Variants in CACNA1A observed in about 807,000 individuals in gnomAD.
The protein encoded by CACNA1A is voltage-dependent P/Q-type calcium channel subunit alpha-1A.
A neutral mutation model predicts 262.4 loss-of-function variants in CACNA1A; 57 were observed. The observed-to-expected ratio is 0.22, with a 90% CI of 0.18 to 0.27. The LOEUF is 0.27. CACNA1A is among the 10% of genes least tolerant of loss of function. CACNA1A has a pLI of 1.00. For missense variants in CACNA1A, 2,526 were observed against 3,562.8 expected (o/e 0.71, Z 7.41); for synonymous variants, 1,431 against 1,419.3 (o/e 1.01, Z -0.18).
chr19:13,227,585 G>A, intron 36 of CACNA1A, 58 bp from the exon 37 acceptor site: 1 of 950,348 alleles, frequency 1.1e-6, no homozygotes, highest in South Asian at 1.9e-5. Context: ...AAACGGGAAT[G>A]GGAACAGAGA....
chr19:13,207,546 T>C lies in CACNA1A; in HGVS notation c.7288A>G (p.Met2430Val). 6.9e-7 allele frequency: 1 copy of C among 1,455,874 alleles called. No homozygotes were observed. The highest frequency in any genetic ancestry group is 1.3e-5 in the South Asian group (1 of 77,394). 90.2% of individuals were successfully genotyped at this position (1,455,874 alleles called of 1,614,324 possible). ...GPGSGGGEEA[M>V]AGAYDAPPPV... ...GGTGGCGCGTCGTAGGCCCCGGCCA[T>C]GGCCTCCTCGCCGCCCCCGCTGCCC... The change falls in exon 47 of 47, where the codon ATG becomes GTG. Residue 2430 changes from methionine (M) to valine (V), a missense_variant. Transcript: ENST00000360228. The surrounding 1 kb of genome is among the most constrained non-coding windows in gnomAD (Gnocchi z 5.7).
intron 1 of CACNA1A, among the ~76,000 whole-genome samples, chr19:13,494,449 T>C (rs1981259616): frequency 6.6e-6 from 1 of 151,822 alleles, no homozygotes; most frequent in African/African-American, 2.4e-5. Context: ...AGAAGGAATG[T>C]CATGTAATGC....
At chr19:13,235,808 T>C in intron 31 of CACNA1A, 78 bp from the exon 32 acceptor site, 2 of 960,584 alleles carry the variant, frequency 2.1e-6, no homozygotes, top group South Asian at 1.4e-5. Flanking sequence ...CAGAGGCCCC[T>C]ACATGAAGCC....
At position 13,245,206 on chromosome 19, in the gene CACNA1A, G is replaced by A. The variant is rs16036; in HGVS notation, c.4926C>T (p.Thr1642=). 98 of 1,613,802 alleles carry A rather than the reference G, an allele frequency of 6.1e-5. No homozygotes were observed. In the African/African-American group the frequency reaches 1.0e-3, roughly 16 times the overall value. Residue 1642 remains threonine, a synonymous_variant, in exon 31 of 47, where the codon ACC becomes ACT. Transcript: ENST00000360228. ...CCCCAAACTCAGTCACGAGGATATCGGTGATGCTGCCCAGAACAGTCACAA... is the reference window on the plus strand; with the variant it reads ...CCCCAAACTCAGTCACGAGGATATCAGTGATGCTGCCCAGAACAGTCACAA... The part of the protein sequence containing the change: ...FDFVTVLGSI[T]DILVTEFGNN...
At chr19:13,496,573 G>C (rs1235077694) in intron 1 of CACNA1A, among the ~76,000 whole-genome samples, 1 of 152,222 alleles carries the variant, frequency 6.6e-6, no homozygotes, top group Admixed American at 6.5e-5. Context: ...GAGACCTTGT[G>C]ATTGTGTTCT....
chr19:13,423,668 C>T (rs150088367), intron 3 of CACNA1A, among the ~76,000 whole-genome samples: 4,133 of 151,936 alleles, frequency 0.027, 171 homozygotes, highest in African/African-American at 0.092. Flanking sequence ...TGCACCACCA[C>T]GCCTGGTTAA....
chr19:13,287,490 G>A (rs145109366), intron 19 of CACNA1A, among the ~76,000 whole-genome samples: 3 of 152,194 alleles, frequency 2.0e-5, no homozygotes, highest in African/African-American at 7.2e-5. Flanking sequence ...CCATGGACAG[G>A]TTTCCACAAC....
intron 3 of CACNA1A, among the ~76,000 whole-genome samples, chr19:13,441,861 C>T (rs1227427835): frequency 6.6e-6 from 1 of 151,962 alleles, no homozygotes; most frequent in Non-Finnish European, 1.5e-5. Flanking sequence ...CATAGCAATT[C>T]GAGAAAACAA....
intron 3 of CACNA1A, among the ~76,000 whole-genome samples, chr19:13,401,450 G>A (rs1351075785): frequency 6.6e-6 from 1 of 152,198 alleles, no homozygotes; most frequent in Non-Finnish European, 1.5e-5. Flanking sequence ...GTTGAGGCAT[G>A]AGTGGGAGGT....
chr19:13,425,454 C>A (rs1198778056), intron 3 of CACNA1A, among the ~76,000 whole-genome samples: 2 of 152,190 alleles, frequency 1.3e-5, no homozygotes, highest in African/African-American at 2.4e-5. Flanking sequence ...TAGGATGGGG[C>A]CCCAATAGGC....
chr19:13,210,939 AAGAC>A (rs1346193511), intron 43 of CACNA1A: 6 of 519,532 alleles, frequency 1.2e-5, no homozygotes, highest in Admixed American at 3.2e-5. Context: ...ATGGGACCGA[AAGAC>A]AGGACGGCGC....
Position 13,212,603 on chromosome 19 carries a change from C to T in CACNA1A, c.6050+28G>A. 6.6e-7 allele frequency: 1 copy of T among 1,508,692 alleles called. No homozygotes were observed. The highest frequency in any genetic ancestry group is 8.9e-7 in the Non-Finnish European group (1 of 1,121,618). The allele number at this position is 1,508,692 out of a possible 1,614,324, so 93.5% of individuals were successfully genotyped here. On this transcript the variant is annotated intron_variant, in intron 41 of 46. Coordinates refer to ENST00000360228, the MANE Select transcript of CACNA1A (RefSeq NM_001127222.2). The surrounding 1 kb of genome is among the most constrained non-coding windows in gnomAD (Gnocchi z 5.6). ...GTGGGGACCACGGCACCCCCACACT[C>T]CACCTCCCTGGCAGGGGTGACACTC...
chr19:13,312,485 G>A (rs978527204), intron 12 of CACNA1A, among the ~76,000 whole-genome samples, 184 bp downstream of exon 12: 1 of 152,192 alleles, frequency 6.6e-6, no homozygotes, highest in Non-Finnish European at 1.5e-5. Flanking sequence ...CACTGGCGGT[G>A]GTTGAGGGTT....
intron 6 of CACNA1A, among the ~76,000 whole-genome samples, chr19:13,337,788 T>G (rs1346357417): frequency 6.6e-6 from 1 of 152,204 alleles, no homozygotes; most frequent in Non-Finnish European, 1.5e-5. Flanking sequence ...GGAGTGTACT[T>G]ACACAAACCT....
intron 6 of CACNA1A, among the ~76,000 whole-genome samples, chr19:13,354,823 G>T (rs2058976561): frequency 6.6e-6 from 1 of 151,568 alleles, no homozygotes. Flanking sequence ...CTTCTAAGAA[G>T]AGGAGAACAC....
intron 6 of CACNA1A, among the ~76,000 whole-genome samples, chr19:13,354,858 C>CTTTTCTTTTTCT (rs1200441562): frequency 2.2e-5 from 3 of 138,768 alleles, no homozygotes; most frequent in African/African-American, 8.0e-5. Flanking sequence ...AGGGAGGATG[C>CTTTTCTTTTTCT]TTTTCTTTTT....
intron 3 of CACNA1A, among the ~76,000 whole-genome samples, chr19:13,425,177 C>T (rs1346172289): frequency 6.6e-6 from 1 of 152,128 alleles, no homozygotes. Flanking sequence ...ACAAATCCTG[C>T]ATAAAATCTG....
intron 6 of CACNA1A, among the ~76,000 whole-genome samples, chr19:13,342,344 G>A (rs146444031): frequency 6.6e-6 from 1 of 152,244 alleles, no homozygotes; most frequent in African/African-American, 2.4e-5. Context: ...TCTTCTCCTG[G>A]TTCTCATCTC....
intron 34 of CACNA1A, 103 bp from the exon 35 acceptor site, chr19:13,231,963 GC>G: frequency 2.5e-6 from 3 of 1,217,916 alleles, no homozygotes; most frequent in Non-Finnish European, 3.4e-6. Flanking sequence ...GGGCTCTGGA[GC>G]TGGCCAGGCA....
Sources: allele counts gnomAD v4.1 joint callset (sites outside exome capture counted in the v4.1 genomes callset), GRCh38; gene constraint gnomAD v4.1.1; non-coding constraint Gnocchi (gnomAD v3.1); transcripts MANE v1.5; gene names NCBI Gene and HGNC (gene_info 2026-07-23, HGNC 2026-07-21).